The following HS6ST3 variants were observed in gnomAD, a reference collection of about 807,000 sequenced individuals.
The protein encoded by HS6ST3 is heparan-sulfate 6-O-sulfotransferase 3.
Under a neutral mutation model 36.7 loss-of-function variants are expected in HS6ST3, and 12 were observed. The ratio of observed to expected loss-of-function variants is 0.33; its 90% CI spans 0.21 to 0.53. HS6ST3 has a LOEUF of 0.53. Ranked by LOEUF, HS6ST3 falls within the 20% of genes least tolerant of loss-of-function variation. The pLI, the probability that HS6ST3 is intolerant of heterozygous loss-of-function variation, is 0.95. For missense variants in HS6ST3, 584 were observed against 640.9 expected (o/e 0.91, Z 0.96); for synonymous variants, 240 against 257.5 (o/e 0.93, Z 0.65).
Position 96,129,371 on chromosome 13 carries a change from G to C in HS6ST3, c.707+37802G>C, listed in dbSNP as rs577407940. 2.6e-4 allele frequency among the ~76,000 whole-genome samples: 40 copies of C among 152,306 alleles called. No homozygotes were observed. In the East Asian group the frequency reaches 7.1e-3, roughly 27 times the overall value. On this transcript the variant is annotated intron_variant, in intron 1 of 1. Coordinates refer to ENST00000376705, the MANE Select transcript of HS6ST3 (RefSeq NM_153456.4). Reference sequence around the variant, plus strand: ...CCAGGTAACCTGATAACTGTATTAAGGCATATGGAGTAAGTTACAGAGGGT... The same window carrying C: ...CCAGGTAACCTGATAACTGTATTAACGCATATGGAGTAAGTTACAGAGGGT...
chr13:96,214,142 C>T (rs180689745), intron 1 of HS6ST3, among the ~76,000 whole-genome samples: 19 of 152,248 alleles, frequency 1.2e-4, no homozygotes, highest in Non-Finnish European at 2.5e-4. Flanking sequence ...TAACCAAAAA[C>T]TTTGTTTTTC....
At chr13:96,651,197 C>G (rs1227627676) in intron 1 of HS6ST3, among the ~76,000 whole-genome samples, 2 of 151,984 alleles carry the variant, frequency 1.3e-5, no homozygotes, top group Non-Finnish European at 2.9e-5. Flanking sequence ...TACTATATGC[C>G]AGGAAGTAAG....
At chr13:96,355,617 T>A (rs2055206634) in intron 1 of HS6ST3, among the ~76,000 whole-genome samples, 2 of 152,280 alleles carry the variant, frequency 1.3e-5, no homozygotes, top group East Asian at 3.9e-4. Context: ...ACTATTTTAA[T>A]GCTAAAAAAT....
intron 1 of HS6ST3, among the ~76,000 whole-genome samples, chr13:96,754,479 C>T (rs928889184): frequency 2.6e-5 from 4 of 152,296 alleles, no homozygotes; most frequent in East Asian, 1.9e-4. Context: ...CTTTCTTACA[C>T]GGACTTGTAT....
At chr13:96,606,787 AAAAG>A (rs2138985813) in intron 1 of HS6ST3, among the ~76,000 whole-genome samples, 1 of 152,350 alleles carries the variant, frequency 6.6e-6, no homozygotes, top group African/African-American at 2.4e-5. Flanking sequence ...TCATTTTAAA[AAAAG>A]AAAGAACAGA....
chr13:96,424,190 A>G (rs1248146256), intron 1 of HS6ST3, among the ~76,000 whole-genome samples: 1 of 152,292 alleles, frequency 6.6e-6, no homozygotes, highest in East Asian at 1.9e-4. Flanking sequence ...TTCCAAAAGC[A>G]TGGAATATTT....
intron 1 of HS6ST3, among the ~76,000 whole-genome samples, chr13:96,574,826 T>C (rs923796614): frequency 6.6e-6 from 1 of 152,150 alleles, no homozygotes; most frequent in Middle Eastern, 3.2e-3. Flanking sequence ...GGCCACACTC[T>C]GAAGCTGGAA....
At chr13:96,406,196 A>G (rs1241630707) in intron 1 of HS6ST3, among the ~76,000 whole-genome samples, 1 of 152,126 alleles carries the variant, frequency 6.6e-6, no homozygotes, top group African/African-American at 2.4e-5. Flanking sequence ...TTATTCAGAC[A>G]TTATTCTGCT....
At chr13:96,308,843 T>G (rs747802628) in intron 1 of HS6ST3, among the ~76,000 whole-genome samples, 84 of 152,096 alleles carry the variant, frequency 5.5e-4, no homozygotes, top group Non-Finnish European at 1.6e-4. Flanking sequence ...TGATATAGTC[T>G]GTTATAATGG....
At chr13:96,140,614 C>T (rs948336267) in intron 1 of HS6ST3, among the ~76,000 whole-genome samples, 2 of 152,084 alleles carry the variant, frequency 1.3e-5, no homozygotes, top group African/African-American at 4.8e-5. Flanking sequence ...GATATGGTTT[C>T]CTGCTATTTC....
At chr13:96,196,621 T>A (rs7992274) in intron 1 of HS6ST3, among the ~76,000 whole-genome samples, 76,696 of 152,004 alleles carry the variant, frequency 0.5, 19,489 homozygotes, top group Middle Eastern at 0.58. Flanking sequence ...CTTTGGTAAC[T>A]GTTTCTGTAG....
At chr13:96,483,793 T>A (rs1399192220) in intron 1 of HS6ST3, among the ~76,000 whole-genome samples, 4 of 152,148 alleles carry the variant, frequency 2.6e-5, no homozygotes, top group African/African-American at 7.2e-5. Context: ...TGGTTAGTGT[T>A]CAGAATGGCT....
chr13:96,500,865 A>T (rs1217963216), intron 1 of HS6ST3, among the ~76,000 whole-genome samples: 1 of 152,230 alleles, frequency 6.6e-6, no homozygotes, highest in Non-Finnish European at 1.5e-5. Flanking sequence ...AACTAACTGT[A>T]GTTGGCTTGC....
intron 1 of HS6ST3, among the ~76,000 whole-genome samples, chr13:96,559,115 TATCTATC>T (rs1315843549): frequency 1.1e-4 from 16 of 150,264 alleles, no homozygotes; most frequent in African/African-American, 3.7e-4. Context: ...TCTATCTATC[TATCTATC>T]TATTTATTTA....
intron 1 of HS6ST3, among the ~76,000 whole-genome samples, chr13:96,822,783 G>GTTGT (rs1337921067): frequency 6.6e-6 from 1 of 152,170 alleles, no homozygotes; most frequent in Non-Finnish European, 1.5e-5. Context: ...ATCTCAAGAG[G>GTTGT]TTGTTTCTTT....
chr13:96,274,115 C>T (rs1202174100), intron 1 of HS6ST3, among the ~76,000 whole-genome samples: 3 of 151,184 alleles, frequency 2.0e-5, no homozygotes, highest in East Asian at 3.9e-4. Flanking sequence ...ATGATCATGG[C>T]TCGCTGCAAC....
At chr13:96,476,340 T>G (rs936421276) in intron 1 of HS6ST3, among the ~76,000 whole-genome samples, 1 of 152,062 alleles carries the variant, frequency 6.6e-6, no homozygotes. Flanking sequence ...CTTGAATGAT[T>G]CCTTGAGACA....
intron 1 of HS6ST3, among the ~76,000 whole-genome samples, chr13:96,250,270 G>A (rs2054602022): frequency 6.6e-6 from 1 of 152,174 alleles, no homozygotes; most frequent in Admixed American, 6.5e-5. Flanking sequence ...AACCCCTGTG[G>A]TGGATTGAAT....
chr13:96,416,450 C>A (rs1281264155), intron 1 of HS6ST3, among the ~76,000 whole-genome samples: 1 of 152,134 alleles, frequency 6.6e-6, no homozygotes, highest in Non-Finnish European at 1.5e-5. Flanking sequence ...GGATTAAAAA[C>A]AACAACAAAA....
Sources: gnomAD v4.1 joint callset for allele counts (sites outside exome capture counted in the v4.1 genomes callset) on GRCh38, gnomAD v4.1.1 for gene constraint, MANE v1.5 for transcripts, NCBI Gene and HGNC (gene_info 2026-07-23, HGNC 2026-07-21) for gene names.